CYP4Z1: variants seen among roughly 807,000 people sequenced by gnomAD.
CYP4Z1 encodes cytochrome P450 4Z1.
In CYP4Z1, 41 loss-of-function variants were observed where a neutral mutation model predicts 54.2. The observed-to-expected ratio is 0.76, with a 90% CI of 0.59 to 0.98. CYP4Z1 has a LOEUF of 0.98. Ranked by LOEUF, CYP4Z1 falls within the 50% of genes least tolerant of loss-of-function variation. CYP4Z1 has a pLI of 0.00. For synonymous variants in CYP4Z1, 163 were observed against 206.2 expected, an observed-to-expected ratio of 0.79 and a Z score of 1.79; for missense variants, 513 against 599.0, an observed-to-expected ratio of 0.86 and a Z score of 1.50.
upstream of CYP4Z1, among the ~76,000 whole-genome samples, chr1:47,065,071 C>T (rs1203656514): frequency 6.6e-6 from 1 of 152,040 alleles, no homozygotes; most frequent in Non-Finnish European, 1.5e-5. Flanking sequence ...TAAACAACAA[C>T]ACAATAATAG....
At chr1:47,057,891 G>C in the CYP4Z1 span, among the ~76,000 whole-genome samples, 3 of 151,674 alleles carry the variant, frequency 2.0e-5, no homozygotes, top group Non-Finnish European at 4.4e-5. Context: ...ATTGAATACT[G>C]GACATGGTGA....
chr1:47,111,191 A>AC, intron 9 of CYP4Z1, among the ~76,000 whole-genome samples: 1 of 148,708 alleles, frequency 6.7e-6, no homozygotes, highest in East Asian at 2.0e-4. Context: ...CACATCTGCA[A>AC]TTTTTTTTTT....
chr1:47,100,689 AT>A (rs1387131768), intron 8 of CYP4Z1, among the ~76,000 whole-genome samples: 1 of 152,194 alleles, frequency 6.6e-6, no homozygotes, highest in Non-Finnish European at 1.5e-5. Flanking sequence ...ATTATTAGTT[AT>A]TGTTATTAAT....
the CYP4Z1 span, among the ~76,000 whole-genome samples, chr1:47,060,324 A>T: frequency 1.1e-4 from 17 of 152,330 alleles, no homozygotes; most frequent in South Asian, 2.7e-3. Flanking sequence ...CCCATCTCAA[A>T]CATAATGAGA....
intron 9 of CYP4Z1, among the ~76,000 whole-genome samples, chr1:47,113,623 G>A (rs1327866403): frequency 6.6e-6 from 1 of 151,832 alleles, no homozygotes; most frequent in Non-Finnish European, 1.5e-5. Flanking sequence ...ATTTTATTGA[G>A]GATCACAAGC....
chr1:47,068,105 C>A (rs1259022667), intron 1 of CYP4Z1, among the ~76,000 whole-genome samples: 1 of 152,140 alleles, frequency 6.6e-6, no homozygotes, highest in African/African-American at 2.4e-5. Context: ...AGATGAGCAG[C>A]AACCAAAAGG....
intron 9 of CYP4Z1, among the ~76,000 whole-genome samples, chr1:47,108,019 C>T (rs1402637243): frequency 6.6e-6 from 1 of 152,190 alleles, no homozygotes; most frequent in Non-Finnish European, 1.5e-5. Context: ...CCCTTTCCTC[C>T]AAGTGCCTTC....
intron 9 of CYP4Z1, 146 bp downstream of exon 9, chr1:47,106,407 T>C (rs753618734): frequency 9.0e-7 from 1 of 1,111,392 alleles, no homozygotes. Context: ...AGAAAGAGGA[T>C]AGAGCTCTCA....
the CYP4Z1 span, among the ~76,000 whole-genome samples, chr1:47,060,999 CTAA>C: frequency 6.6e-6 from 1 of 152,068 alleles, no homozygotes; most frequent in Non-Finnish European, 1.5e-5. Context: ...TTCTTTGAAA[CTAA>C]TAAGAACAAA....
intron 6 of CYP4Z1, among the ~76,000 whole-genome samples, chr1:47,094,077 CT>C (rs1486329530): frequency 6.6e-6 from 1 of 152,140 alleles, no homozygotes; most frequent in Non-Finnish European, 1.5e-5. Flanking sequence ...AGTAGGCTTC[CT>C]TGTCTTGTTC....
At chr1:47,096,408 A>G (rs1569735406) in intron 7 of CYP4Z1, among the ~76,000 whole-genome samples, 1 of 152,238 alleles carries the variant, frequency 6.6e-6, no homozygotes, top group Non-Finnish European at 1.5e-5. Flanking sequence ...GACTCTAAAA[A>G]TAATAGTAAA....
intron 6 of CYP4Z1, among the ~76,000 whole-genome samples, chr1:47,091,469 G>C (rs1336393688): frequency 6.8e-6 from 1 of 146,422 alleles, no homozygotes; most frequent in Non-Finnish European, 1.5e-5. Context: ...CCTTTTAAAT[G>C]GCAGCATGAG....
chr1:47,117,830 C>A lies in CYP4Z1; in HGVS notation c.1414C>A (p.Arg472Ser). The A allele has an allele frequency of 6.2e-7, 1 of 1,613,660 alleles. No individual in the cohort carries two copies. Among genetic ancestry groups the A allele is most frequent in the South Asian group, 1.1e-5 (1 of 91,034 alleles). The change falls in exon 12 of 12, where the codon CGC becomes AGC. Residue 472 changes from arginine (R) to serine (S), a missense_variant. Coordinates refer to ENST00000334194, the MANE Select transcript of CYP4Z1 (RefSeq NM_178134.3). ...AGTGGCAGTGGCATTAACTCTGCTCCGCTTCAAGCTGGCTCCAGACCACTC... is the reference window on the plus strand; with the variant it reads ...AGTGGCAGTGGCATTAACTCTGCTCAGCTTCAAGCTGGCTCCAGACCACTC... ...CKVAVALTLL[R>S]FKLAPDHSRP...
At chr1:47,116,195 G>A (rs1300854052) in intron 10 of CYP4Z1, among the ~76,000 whole-genome samples, 2 of 151,896 alleles carry the variant, frequency 1.3e-5, no homozygotes, top group East Asian at 3.9e-4. Context: ...AACAACTTCA[G>A]CTTGTGACTT....
chr1:47,086,061 T>G (rs897251327), intron 6 of CYP4Z1, among the ~76,000 whole-genome samples: 2 of 152,120 alleles, frequency 1.3e-5, no homozygotes, highest in African/African-American at 2.4e-5. Context: ...CCATGGTGTA[T>G]ATGTGCCACA....
the CYP4Z1 span, among the ~76,000 whole-genome samples, chr1:47,061,507 C>T: frequency 6.6e-6 from 1 of 152,112 alleles, no homozygotes; most frequent in Non-Finnish European, 1.5e-5. Context: ...CTAAACCGAC[C>T]GATAATGAGC....
At chr1:47,059,781 G>A in the CYP4Z1 span, among the ~76,000 whole-genome samples, 4 of 152,098 alleles carry the variant, frequency 2.6e-5, no homozygotes, top group Non-Finnish European at 4.4e-5. Context: ...GCATCCCCTG[G>A]GACGGAGGCT....
At chr1:47,076,844 C>CAAAAAAAAAAAAAAAAA (rs59854360) in intron 2 of CYP4Z1, among the ~76,000 whole-genome samples, 50 of 81,408 alleles carry the variant, frequency 6.1e-4, no homozygotes, top group Non-Finnish European at 9.2e-4. Context: ...GACGCTGTCT[C>CAAAAAAAAAAAAAAAAA]AAAAAAAAAA....
chr1:47,078,721 G>T lies in CYP4Z1; in HGVS notation c.320-1902G>T, dbSNP rs569832129. On this transcript the variant is annotated intron_variant, in intron 2 of 11. Coordinates refer to ENST00000334194, the MANE Select transcript of CYP4Z1 (RefSeq NM_178134.3). ...ATACTCTCCAGGTCTTTCCTGGTTG[G>T]TTCTGGGTTGGGGCACACCTCTAAT... is the stretch of plus-strand genomic sequence containing the variant. Among the ~76,000 whole-genome samples the T allele has an allele frequency of 9.2e-4, 117 of 127,816 alleles. 4 individuals are homozygous for T. The highest frequency in any genetic ancestry group is 3.3e-3 in the African/African-American group (116 of 35,446). The allele number at this position is 127,816 out of a possible 152,430, so 83.9% of individuals were successfully genotyped here.
Sources: allele counts gnomAD v4.1 joint callset (sites outside exome capture counted in the v4.1 genomes callset), GRCh38; gene constraint gnomAD v4.1.1; transcripts MANE v1.5; gene names NCBI Gene and HGNC (gene_info 2026-07-23, HGNC 2026-07-21).